Variants in NSD2 observed in about 807,000 individuals in gnomAD.
NSD2 encodes the protein nuclear receptor binding SET domain protein 2, also known as histone-lysine N-methyltransferase NSD2.
In NSD2, 12 loss-of-function variants were observed where a neutral mutation model predicts 139.0. The ratio of observed to expected loss-of-function variants is 0.09; its 90% confidence interval spans 0.06 to 0.14. The LOEUF is 0.14. Among genes scored for constraint, NSD2 ranks in the 10% least tolerant of loss-of-function variants. NSD2 has a pLI of 1.00. For synonymous variants in NSD2, 669 were observed against 648.7 expected (o/e 1.03, Z -0.48); for missense variants, 1,155 against 1,745.0 (o/e 0.66, Z 6.02).
intron 6 of NSD2, among the ~76,000 whole-genome samples, chr4:1,934,300 G>A (rs1361414737): frequency 1.3e-5 from 2 of 151,388 alleles, no homozygotes; most frequent in East Asian, 2.0e-4. Flanking sequence ...GGTCAGGCTG[G>A]TCTCAAACTC....
chr4:1,927,175 C>T (rs923476834), intron 5 of NSD2, among the ~76,000 whole-genome samples: 7 of 152,208 alleles, frequency 4.6e-5, no homozygotes, highest in African/African-American at 1.7e-4. Flanking sequence ...GGTGTGTCCT[C>T]ACAACATGAT....
Position 1,981,089 on chromosome 4 carries a change from T to A in NSD2, c.*2180T>A. 1 of 233,276 alleles carries A rather than the reference T, an allele frequency of 4.3e-6. No individual in the cohort carries two copies. Among genetic ancestry groups the A allele is most frequent in the Non-Finnish European group, 8.5e-6 (1 of 118,022 alleles). 14.5% of individuals were successfully genotyped at this position (233,276 alleles called of 1,614,324 possible). ...TTGGGGAGCAGATATTAACTTATTT[T>A]TGTGTTGGACAGTAGTGAAATCTTG... On this transcript the variant is annotated 3_prime_UTR_variant, in exon 22 of 22. Coordinates refer to ENST00000508803, the MANE Select transcript of NSD2 (RefSeq NM_001042424.3).
Position 1,978,858 on chromosome 4 carries a change from G to T in NSD2, c.4047G>T (p.Lys1349Asn), listed in dbSNP as rs746770939. The T allele has an allele frequency of 6.3e-7, 1 of 1,599,782 alleles. No individual in the cohort carries two copies. The highest frequency in any genetic ancestry group is 2.3e-5 in the East Asian group (1 of 44,442). ...EKPPPEPGKP[K>N]GKRRRRRGWR... ...CCCCCCCAGAGCCAGGGAAGCCGAA[G>T]GGGAAGAGGCGGCGGCGGAGGGGCT... Residue 1349 changes from lysine to asparagine, a missense_variant, in exon 22 of 22, where the codon AAG (lysine) becomes AAT (asparagine). This residue lies in a region of NSD2 where 132 missense variants were observed against 94.3 expected (regional missense o/e 1.40). Transcript: ENST00000508803.
In NSD2 at chr4:1,948,666, G is replaced by T. The variant is rs1723892891; in HGVS notation, c.1882-2406G>T. The T allele has an allele frequency of 9.4e-7, 1 of 1,059,080 alleles. No individual in the cohort carries two copies. The highest frequency in any genetic ancestry group is 5.4e-5 in the Admixed American group (1 of 18,450). 65.6% of individuals were successfully genotyped at this position (1,059,080 alleles called of 1,614,324 possible). ...ACCCTGATCAGGAAATGAGCCTCAT[G>T]TGTGTCGTTAACATTTATATATTTC... On this transcript the variant is annotated intron_variant, in intron 9 of 21. Transcript: ENST00000508803. This position sits in a 1 kb window ranked among gnomAD's most constrained non-coding sequence, Gnocchi z 4.5.
In NSD2 at chr4:1,955,901, C is replaced by T. The variant is rs756865033; in HGVS notation, c.2675+52C>T. On this transcript the variant is annotated intron_variant, in intron 14 of 21. Transcript: ENST00000508803. This position sits in a 1 kb window ranked among gnomAD's most constrained non-coding sequence, Gnocchi z 4.7. ...TATGTCTTTTCTGTTCACATGTGTT[C>T]GCTTTACAGTACTTAAAGTATTGAA... is the stretch of plus-strand genomic sequence containing the variant. 1.2e-5 allele frequency: 20 copies of T among 1,609,252 alleles called. No homozygotes were observed. Among genetic ancestry groups the T allele is most frequent in the East Asian group, 8.9e-5 (4 of 44,814 alleles).
chr4:1,981,169 A>G lies in NSD2; in HGVS notation c.*2260A>G, dbSNP rs1727724290. On this transcript the variant is annotated 3_prime_UTR_variant, in exon 22 of 22. Transcript: ENST00000508803. ...AAATTTTATGATTTTTCTGAAGGAA[A>G]TAATGCAAACATTTTAAATATGTTT... The G allele has an allele frequency of 8.6e-6, 2 of 233,366 alleles. No homozygotes were observed. The highest frequency in any genetic ancestry group is 1.7e-5 in the Non-Finnish European group (2 of 118,066). 14.5% of individuals were successfully genotyped at this position (233,366 alleles called of 1,614,324 possible). A position where few individuals can be genotyped will look rare whatever the true frequency, so the allele number is the denominator to read the frequency against.
Position 1,974,725 on chromosome 4 carries a change from CAGTG to C in NSD2, c.3373-137_3373-134del. The C allele has an allele frequency of 8.2e-7, 1 of 1,226,096 alleles. No homozygotes were observed. The highest frequency in any genetic ancestry group is 1.2e-6 in the Non-Finnish European group (1 of 837,674). 76.0% of individuals were successfully genotyped at this position (1,226,096 alleles called of 1,614,324 possible). A position where few individuals can be genotyped will look rare whatever the true frequency, so the allele number is the denominator to read the frequency against. ...GGACTGGTTTGGGGGTGTCCTGTCT[CAGTG>C]GACACAGGACACCACGGTTTTCAGT... is the stretch of plus-strand genomic sequence containing the variant. On this transcript the variant is annotated intron_variant, in intron 18 of 21. Coordinates refer to ENST00000508803, the MANE Select transcript of NSD2 (RefSeq NM_001042424.3). The surrounding 1 kb of genome is among the most constrained non-coding windows in gnomAD (Gnocchi z 4.0).
chr4:1,959,220 G>A (rs150277175), intron 16 of NSD2, among the ~76,000 whole-genome samples: 1 of 152,298 alleles, frequency 6.6e-6, no homozygotes, highest in Non-Finnish European at 1.5e-5. Context: ...CATCAGCGAT[G>A]TGCACAGACA....
intron 1 of NSD2, among the ~76,000 whole-genome samples, chr4:1,894,589 T>C (rs1039083556): frequency 1.3e-5 from 2 of 151,782 alleles, no homozygotes; most frequent in Admixed American, 6.6e-5. Flanking sequence ...GGAGGATTGC[T>C]TGGGCCCAGG....
At chr4:1,952,794 G>GA (rs1724414534) in intron 11 of NSD2, 7 of 1,149,420 alleles carry the variant, frequency 6.1e-6, no homozygotes, top group Non-Finnish European at 7.5e-6. Context: ...ATGATGAGAG[G>GA]ACACCTGCAC....
intron 3 of NSD2, among the ~76,000 whole-genome samples, chr4:1,908,864 C>T (rs758401011): frequency 6.6e-6 from 1 of 152,136 alleles, no homozygotes; most frequent in East Asian, 1.9e-4. Context: ...ACTCCAGGCT[C>T]AAACTCCTGG....
rs757671449 is a variant in NSD2, at chr4:1,951,077, G to C, written c.1887G>C (p.Ser629=). The change falls in exon 10 of 22, where the codon TCG becomes TCC. Residue 629 remains serine, a synonymous_variant. Coordinates refer to ENST00000508803, the MANE Select transcript of NSD2 (RefSeq NM_001042424.3). ...PSASLTENEV[S]DSPGDEPSES... ...TCCGCCTCCTTCATCTCTAGGTCTC[G>C]GACAGCCCGGGAGACGAGCCCTCGG... is the stretch of plus-strand genomic sequence containing the variant. 9 of 1,613,986 alleles carry C rather than the reference G, an allele frequency of 5.6e-6. No individual in the cohort carries two copies. The Admixed American group carries it at 6.7e-5, about 12-fold the overall frequency.
In NSD2 at chr4:1,949,145, C is replaced by T. The variant is rs189065442; in HGVS notation, c.1882-1927C>T. ...CAGGTCTCCACTGCTGAGTCCATATCTGATGCGCTTGTTAAATTGGAGGTT... is the reference window on the plus strand; with the variant it reads ...CAGGTCTCCACTGCTGAGTCCATATTTGATGCGCTTGTTAAATTGGAGGTT... On this transcript the variant is annotated intron_variant, in intron 9 of 21. Transcript: ENST00000508803. Among the ~76,000 whole-genome samples, 14 of 152,350 alleles carry T rather than the reference C, an allele frequency of 9.2e-5. No individual in the cohort carries two copies. The East Asian group carries it at 2.7e-3, about 29-fold the overall frequency.
Position 1,944,464 on chromosome 4 carries a change from A to G in NSD2, c.1881+4686A>G, listed in dbSNP as rs1056323049. ...TTGAGGTGAATTTTGTTTGTCATACATGGAACCATTTTAGTCCCATTTGAC... is the reference window on the plus strand; with the variant it reads ...TTGAGGTGAATTTTGTTTGTCATACGTGGAACCATTTTAGTCCCATTTGAC... On this transcript the variant is annotated intron_variant, in intron 9 of 21. Coordinates refer to ENST00000508803, the MANE Select transcript of NSD2 (RefSeq NM_001042424.3). The G allele has an allele frequency of 1.3e-5, 14 of 1,065,364 alleles. No individual in the cohort carries two copies. In the Admixed American group the frequency reaches 4.3e-4, roughly 33 times the overall value. 66.0% of individuals were successfully genotyped at this position (1,065,364 alleles called of 1,614,324 possible). A position where few individuals can be genotyped will look rare whatever the true frequency, so the allele number is the denominator to read the frequency against.
At chr4:1,921,344 G>A (rs999120582) in intron 5 of NSD2, among the ~76,000 whole-genome samples, 1 of 151,440 alleles carries the variant, frequency 6.6e-6, no homozygotes, top group Non-Finnish European at 1.5e-5. Flanking sequence ...CTGTACTTCC[G>A]GCTATGTGGG....
At chr4:1,902,288 G>C (rs1162845400) in intron 2 of NSD2, among the ~76,000 whole-genome samples, 1 of 152,104 alleles carries the variant, frequency 6.6e-6, no homozygotes, top group African/African-American at 2.4e-5. Flanking sequence ...GCAGTGGTGT[G>C]ATCATGGCTC....
intron 18 of NSD2, among the ~76,000 whole-genome samples, chr4:1,968,889 C>CTCTT (rs778358723): frequency 6.6e-6 from 1 of 152,238 alleles, no homozygotes; most frequent in Non-Finnish European, 1.5e-5. Flanking sequence ...GAATGTGATT[C>CTCTT]ACAGCCAAAC....
chr4:1,879,383 T>A (rs1293956035), intron 1 of NSD2, among the ~76,000 whole-genome samples: 1 of 151,972 alleles, frequency 6.6e-6, no homozygotes, highest in Non-Finnish European at 1.5e-5. Flanking sequence ...CATGCCCGGC[T>A]AATTTTTTTG....
rs1726606836 is a variant in NSD2, at chr4:1,972,561, AG to A, written c.3373-2297del. Among the ~76,000 whole-genome samples the A allele has an allele frequency of 6.6e-6, 1 of 152,172 alleles. No homozygotes were observed. The stretch of plus-strand genomic sequence containing the variant: ...GGGGCCCAAACCCAGGCGGATGGCC[AG>A]GGGGAGTGGGGCCAAAGCCAGGGCC... On this transcript the variant is annotated intron_variant, in intron 18 of 21. Coordinates refer to ENST00000508803, the MANE Select transcript of NSD2 (RefSeq NM_001042424.3). The surrounding 1 kb of genome is among the most constrained non-coding windows in gnomAD (Gnocchi z 4.0).
Sources: allele counts gnomAD v4.1 joint callset (sites outside exome capture counted in the v4.1 genomes callset), GRCh38; gene constraint gnomAD v4.1.1; regional missense constraint gnomAD v4.1.1; non-coding constraint Gnocchi (gnomAD v3.1); transcripts MANE v1.5; gene names NCBI Gene and HGNC (gene_info 2026-07-23, HGNC 2026-07-21).